DNTTIP1: variants seen among roughly 807,000 people sequenced by gnomAD.
DNTTIP1 encodes deoxynucleotidyltransferase terminal-interacting protein 1.
DNTTIP1 carries 22 observed loss-of-function variants against 52.9 expected under a neutral mutation model. That is an observed-to-expected ratio of 0.42 (90% CI 0.30 to 0.59). The LOEUF (loss-of-function observed/expected upper bound fraction) is 0.59. Among genes scored for constraint, DNTTIP1 ranks in the 20% least tolerant of loss-of-function variants. DNTTIP1 has a pLI of 0.22. For missense variants in DNTTIP1, 286 were observed against 435.5 expected, an observed-to-expected ratio of 0.66 and a Z score of 3.06; for synonymous variants, 136 against 155.1, an observed-to-expected ratio of 0.88 and a Z score of 0.92.
At chr20:45,807,967 C>G (rs1003454039) in intron 10 of DNTTIP1, among the ~76,000 whole-genome samples, 3 of 151,904 alleles carry the variant, frequency 2.0e-5, no homozygotes, top group African/African-American at 7.3e-5. Flanking sequence ...ATATATATAT[C>G]AGTTTCTCTT....
At chr20:45,799,837 C>G (rs1038266930) in intron 4 of DNTTIP1, among the ~76,000 whole-genome samples, 1 of 140,772 alleles carries the variant, frequency 7.1e-6, no homozygotes, top group Non-Finnish European at 1.6e-5. Flanking sequence ...GCCAGGCGCA[C>G]TGGCTCACGC....
chr20:45,797,795 C>T (rs946955843), intron 4 of DNTTIP1, among the ~76,000 whole-genome samples: 1 of 152,210 alleles, frequency 6.6e-6, no homozygotes, highest in African/African-American at 2.4e-5. Context: ...CCATCTTACA[C>T]CAGTTAGAAT....
At chr20:45,808,829 G>C (rs745429342) in intron 10 of DNTTIP1, among the ~76,000 whole-genome samples, 12 of 152,124 alleles carry the variant, frequency 7.9e-5, no homozygotes, top group Non-Finnish European at 1.6e-4. Context: ...AAAAGAGGAA[G>C]CTCTAAAATA....
At position 45,800,697 on chromosome 20, in the gene DNTTIP1, ATATATATATATAT is replaced by A. The variant is rs1981426474; in HGVS notation, c.373-376_373-364del. Among the ~76,000 whole-genome samples the A allele has an allele frequency of 9.6e-3, 56 of 5,842 alleles. 5 individuals carry two copies. Among genetic ancestry groups the A allele is most frequent in the South Asian group, 0.037 (4 of 108 alleles). The allele number at this position is 5,842 out of a possible 152,430, so 3.8% of individuals were successfully genotyped here. On this transcript the variant is annotated intron_variant, in intron 4 of 12. Coordinates refer to ENST00000372622, the MANE Select transcript of DNTTIP1 (RefSeq NM_052951.3). Reference sequence around the variant, plus strand: ...CTCAATTTAAAAAAAAAAAAAAAATATATATATATATATATATATATATATATATATATATATA... The same window carrying A: ...CTCAATTTAAAAAAAAAAAAAAAATAATATATATATATATATATATATATA...
rs1357302964 is a variant in DNTTIP1 at position 45,809,069 on chromosome 20, G to A, written c.724-45G>A. 5 of 1,557,862 alleles carry A rather than the reference G, an allele frequency of 3.2e-6. No homozygotes were observed. Among genetic ancestry groups the A allele is most frequent in the Non-Finnish European group, 4.4e-6 (5 of 1,129,336 alleles). ...TATGCTCTGGGACCAAATGAGAAAA[G>A]CCCCTTACCCGAGGCTAATTTTCTT... On this transcript the variant is annotated intron_variant, in intron 10 of 12. Coordinates refer to ENST00000372622, the MANE Select transcript of DNTTIP1 (RefSeq NM_052951.3). This position sits in a 1 kb window ranked among gnomAD's most constrained non-coding sequence, Gnocchi z 4.2.
chr20:45,807,282 C>T (rs1266289872), intron 10 of DNTTIP1, among the ~76,000 whole-genome samples: 4 of 152,008 alleles, frequency 2.6e-5, no homozygotes, highest in East Asian at 1.9e-4. Context: ...CCACCATGCC[C>T]GGCTAATTTT....
rs1981586427 is a variant in DNTTIP1, at chr20:45,805,019, T to C, written c.604-127T>C. On this transcript the variant is annotated intron_variant, in intron 8 of 12. Coordinates refer to ENST00000372622, the MANE Select transcript of DNTTIP1 (RefSeq NM_052951.3). ...CCTAGCATATTGTGAGTACTCAGTG[T>C]CTTGGGTCAACTGTTGATTAAATAA... 6.0e-6 allele frequency: 5 copies of C among 834,728 alleles called. No individual in the cohort carries two copies. In the East Asian group the frequency reaches 1.2e-4, roughly 20 times the overall value. 51.7% of individuals were successfully genotyped at this position (834,728 alleles called of 1,614,324 possible). A position where few individuals can be genotyped will look rare whatever the true frequency, so the allele number is the denominator to read the frequency against.
chr20:45,808,755 T>A (rs1481724010), intron 10 of DNTTIP1, among the ~76,000 whole-genome samples: 3 of 152,190 alleles, frequency 2.0e-5, no homozygotes, highest in Non-Finnish European at 4.4e-5. Flanking sequence ...GTGTCCCGAT[T>A]TTTGTTTTAT....
At chr20:45,796,409 T>C in intron 4 of DNTTIP1, 8 of 456,180 alleles carry the variant, frequency 1.8e-5, no homozygotes, top group Admixed American at 1.3e-4. Flanking sequence ...AAGAAATGGC[T>C]TAAGACACAT....
intron 4 of DNTTIP1, among the ~76,000 whole-genome samples, chr20:45,798,764 C>G (rs745822290): frequency 6.6e-6 from 1 of 152,140 alleles, no homozygotes; most frequent in Non-Finnish European, 1.5e-5. Flanking sequence ...CTGCTAAAAT[C>G]TTGAGCTTTA....
intron 4 of DNTTIP1, among the ~76,000 whole-genome samples, chr20:45,798,596 CT>C (rs1258998705): frequency 4.6e-5 from 7 of 152,136 alleles, no homozygotes; most frequent in African/African-American, 1.4e-4. Flanking sequence ...TCTGGCTGTT[CT>C]GAACTCCTTT....
At chr20:45,800,759 G>T (rs1227259929) in intron 4 of DNTTIP1, among the ~76,000 whole-genome samples, 7 of 113,468 alleles carry the variant, frequency 6.2e-5, no homozygotes, top group South Asian at 3.1e-4. Flanking sequence ...ATATATATTT[G>T]GAAGTGGGCC....
In DNTTIP1 at chr20:45,793,928, G is replaced by A. The variant is rs1282572943; in HGVS notation, c.184G>A (p.Asp62Asn). 2 of 1,590,374 alleles carry A rather than the reference G, an allele frequency of 1.3e-6. No individual in the cohort carries two copies. Among genetic ancestry groups the A allele is most frequent in the Admixed American group, 3.5e-5 (2 of 56,860 alleles). The change falls in exon 3 of 13, where the codon GAT becomes AAT. Residue 62 changes from aspartate (D) to asparagine (N), a missense_variant. Coordinates refer to ENST00000372622, the MANE Select transcript of DNTTIP1 (RefSeq NM_052951.3). ...RRSQMTTSFT[D>N]PAISMDLLRA... ...TCTCCCTCCTGAATGCAGTTTCACAGATCCTGCCATCTCCATGGATCTCCT... is the reference window on the plus strand; with the variant it reads ...TCTCCCTCCTGAATGCAGTTTCACAAATCCTGCCATCTCCATGGATCTCCT...
chr20:45,803,926 G>A (rs1413023326), intron 8 of DNTTIP1, among the ~76,000 whole-genome samples: 1 of 152,110 alleles, frequency 6.6e-6, no homozygotes, highest in Non-Finnish European at 1.5e-5. Flanking sequence ...AGCCTCTGTT[G>A]CCTCCCTCTC....
At chr20:45,795,524 C>G (rs1014579490) in intron 4 of DNTTIP1, 81 bp downstream of exon 4, 1 of 853,148 alleles carries the variant, frequency 1.2e-6, no homozygotes, top group Non-Finnish European at 1.8e-6. Flanking sequence ...TTAAGCCGGA[C>G]GTGGTGGCTC....
chr20:45,800,997 A>C, intron 4 of DNTTIP1, 77 bp from the exon 5 acceptor site: 1 of 1,276,708 alleles, frequency 7.8e-7, no homozygotes, highest in Non-Finnish European at 1.1e-6. Flanking sequence ...CTGTCTCCAA[A>C]AAAAAAAAAG....
At chr20:45,804,853 A>G (rs1182187974) in intron 8 of DNTTIP1, among the ~76,000 whole-genome samples, 2 of 152,182 alleles carry the variant, frequency 1.3e-5, no homozygotes, top group African/African-American at 4.8e-5. Flanking sequence ...TCCCCTCGGC[A>G]GCCCTCAGAC....
chr20:45,802,074 A>G lies in DNTTIP1; in HGVS notation c.557+17A>G. 1 of 1,613,854 alleles carries G rather than the reference A, an allele frequency of 6.2e-7. No homozygotes were observed. The highest frequency in any genetic ancestry group is 8.5e-7 in the Non-Finnish European group (1 of 1,179,916). On this transcript the variant is annotated intron_variant, in intron 7 of 12. Coordinates refer to ENST00000372622, the MANE Select transcript of DNTTIP1 (RefSeq NM_052951.3). ...CGGCATGGTGTGAGTAGGGACCAAC[A>G]GTGTGGTGAGAGCATAGGGGAGCAG...
At position 45,811,242 on chromosome 20, in the gene DNTTIP1, T is replaced by C; in HGVS notation, c.*47T>C. ...TTGGCAGCCCTCCTCCAAAGCCCTC[T>C]TCCTCACGTGGCTGAGGCCACCGCT... is the stretch of plus-strand genomic sequence containing the variant. On this transcript the variant is annotated 3_prime_UTR_variant, in exon 13 of 13. Transcript: ENST00000372622. 6.4e-7 allele frequency: 1 copy of C among 1,561,204 alleles called. No individual in the cohort carries two copies. Among genetic ancestry groups the C allele is most frequent in the Non-Finnish European group, 8.6e-7 (1 of 1,157,488 alleles).
Sources: allele counts gnomAD v4.1 joint callset (sites outside exome capture counted in the v4.1 genomes callset), GRCh38; gene constraint gnomAD v4.1.1; non-coding constraint Gnocchi (gnomAD v3.1); transcripts MANE v1.5; gene names NCBI Gene and HGNC (gene_info 2026-07-23, HGNC 2026-07-21).